The following BAZ2B variants were observed in gnomAD, a reference collection of about 807,000 sequenced individuals.
The protein encoded by BAZ2B is bromodomain adjacent to zinc finger domain protein 2B.
Under a neutral mutation model 246.0 loss-of-function variants are expected in BAZ2B, and 91 were observed. That is an observed-to-expected ratio of 0.37 (90% confidence interval 0.31 to 0.44). The LOEUF is 0.44. BAZ2B is among the 20% of genes least tolerant of loss of function. BAZ2B has a pLI of 1.00. For missense variants in BAZ2B, 2,332 were observed against 2,533.7 expected (o/e 0.92, Z 1.71); for synonymous variants, 855 against 860.0 (o/e 0.99, Z 0.10).
rs934271373 is a variant in BAZ2B at position 159,432,989 on chromosome 2, A to G, written c.1668T>C (p.Ser556=). The part of the protein sequence containing the change: ...GNQTPVMPSA[S]PILHSQGKEK... Reference sequence around the variant, plus strand: ...CCTTCCCTTGACTATGCAGGATGGGAGAGGCAGAGGGCATTACAGGTGTCT... The same window carrying G: ...CCTTCCCTTGACTATGCAGGATGGGGGAGGCAGAGGGCATTACAGGTGTCT... The change falls in exon 9 of 37, where the codon TCT becomes TCC. Residue 556 remains serine (S), a synonymous_variant. Coordinates refer to ENST00000392783, the MANE Select transcript of BAZ2B (RefSeq NM_013450.4). The G allele has an allele frequency of 2.5e-6, 4 of 1,614,168 alleles. No individual in the cohort carries two copies. The East Asian group carries it at 8.9e-5, about 36-fold the overall frequency.
intron 14 of BAZ2B, among the ~76,000 whole-genome samples, chr2:159,410,756 A>G (rs2066707093): frequency 6.6e-6 from 1 of 152,198 alleles, no homozygotes; most frequent in Admixed American, 6.5e-5. Flanking sequence ...TTTGCCTGCT[A>G]TCCATAAAAA....
intron 4 of BAZ2B, among the ~76,000 whole-genome samples, chr2:159,449,217 A>C (rs1291753705): frequency 6.6e-6 from 1 of 152,170 alleles, no homozygotes; most frequent in African/African-American, 2.4e-5. Context: ...AAATAAGCCA[A>C]ATTTTATACA....
At chr2:159,623,473 C>T in the BAZ2B span, among the ~76,000 whole-genome samples, 30 of 152,052 alleles carry the variant, frequency 2.0e-4, no homozygotes, top group Non-Finnish European at 4.4e-4. Flanking sequence ...TAACCTTGCT[C>T]ATAGTAAGAG....
intron 1 of BAZ2B, among the ~76,000 whole-genome samples, chr2:159,560,517 T>C (rs1183434546): frequency 6.6e-6 from 1 of 152,174 alleles, no homozygotes; most frequent in Non-Finnish European, 1.5e-5. Flanking sequence ...TCATTCTCTT[T>C]TTAAAGTGTC....
chr2:159,465,307 T>C (rs2076906634), intron 3 of BAZ2B, among the ~76,000 whole-genome samples: 2 of 152,344 alleles, frequency 1.3e-5, no homozygotes, highest in East Asian at 1.9e-4. Flanking sequence ...AGGCCCAACC[T>C]AATGATCTCA....
intron 14 of BAZ2B, among the ~76,000 whole-genome samples, chr2:159,411,540 T>A (rs971914088): frequency 2.0e-5 from 3 of 152,228 alleles, no homozygotes; most frequent in African/African-American, 7.2e-5. Flanking sequence ...TATTTTACAT[T>A]GTTACATATC....
chr2:159,665,131 A>G, the BAZ2B span, among the ~76,000 whole-genome samples: 4 of 120,228 alleles, frequency 3.3e-5, no homozygotes, highest in Admixed American at 3.7e-4. Flanking sequence ...ATACCTAGGA[A>G]TCCAACTTAC....
At chr2:159,694,108 T>C in the BAZ2B span, 1 of 152,106 alleles carries the variant, frequency 6.6e-6, no homozygotes, top group Non-Finnish European at 1.5e-5. Context: ...AAATGTCATA[T>C]ATGTGGGCCC....
At chr2:159,684,243 T>C in the BAZ2B span, among the ~76,000 whole-genome samples, 1 of 152,236 alleles carries the variant, frequency 6.6e-6, no homozygotes. Context: ...GTTTAGGGTT[T>C]TTGACAAGCA....
intron 3 of BAZ2B, among the ~76,000 whole-genome samples, chr2:159,454,714 AACAATGC>A (rs139683992): frequency 0.026 from 3,916 of 152,268 alleles, 143 homozygotes; most frequent in African/African-American, 0.088. Flanking sequence ...AGTCTAATAA[AACAATGC>A]ACAAGACAAC....
intron 27 of BAZ2B, among the ~76,000 whole-genome samples, chr2:159,366,297 C>A (rs137936615): frequency 6.6e-5 from 10 of 152,274 alleles, no homozygotes; most frequent in Non-Finnish European, 7.4e-5. Context: ...AGTGTGTTAA[C>A]CCCAGAAAAA....
chr2:159,589,361 T>C (rs1688766370), intron 1 of BAZ2B, among the ~76,000 whole-genome samples: 1 of 151,830 alleles, frequency 6.6e-6, no homozygotes, highest in Non-Finnish European at 1.5e-5. Context: ...TTTAAAAAGA[T>C]TCCTTCCAAA....
intron 11 of BAZ2B, among the ~76,000 whole-genome samples, chr2:159,428,671 G>A (rs1003000141): frequency 1.3e-5 from 2 of 151,864 alleles, no homozygotes; most frequent in Non-Finnish European, 1.5e-5. Flanking sequence ...TGATTACTTT[G>A]GGTACTCTGA....
intron 34 of BAZ2B, among the ~76,000 whole-genome samples, chr2:159,326,835 A>G (rs2063782357): frequency 6.6e-6 from 1 of 152,204 alleles, no homozygotes; most frequent in Admixed American, 6.5e-5. Flanking sequence ...GAGAAAAAAA[A>G]TCTGCCTTTT....
chr2:159,352,471 G>A (rs879831461), intron 27 of BAZ2B, among the ~76,000 whole-genome samples: 16 of 151,550 alleles, frequency 1.1e-4, no homozygotes, highest in Non-Finnish European at 2.2e-4. Context: ...TTTAAAGGCA[G>A]AGCAATGTCT....
intron 3 of BAZ2B, among the ~76,000 whole-genome samples, chr2:159,472,778 G>A (rs1365464687): frequency 6.6e-6 from 1 of 152,102 alleles, no homozygotes; most frequent in East Asian, 1.9e-4. Context: ...TTTATGTGAT[G>A]GATTACGTTT....
the BAZ2B span, among the ~76,000 whole-genome samples, chr2:159,644,778 T>C: frequency 6.6e-6 from 1 of 152,326 alleles, no homozygotes; most frequent in South Asian, 2.1e-4. Context: ...CCACTATTTC[T>C]TTATCAAGTG....
intron 2 of BAZ2B, among the ~76,000 whole-genome samples, chr2:159,487,961 T>C (rs2080022787): frequency 6.6e-6 from 1 of 151,878 alleles, no homozygotes; most frequent in Non-Finnish European, 1.5e-5. Flanking sequence ...GATCTAGACA[T>C]CCAAATACAA....
the BAZ2B span, among the ~76,000 whole-genome samples, chr2:159,676,544 G>C: frequency 1.9e-4 from 29 of 151,748 alleles, no homozygotes; most frequent in Non-Finnish European, 3.5e-4. Flanking sequence ...AGCTGAGCAC[G>C]TGATGGGTGC....
Sources: gnomAD v4.1 joint callset for allele counts (sites outside exome capture counted in the v4.1 genomes callset) on GRCh38, gnomAD v4.1.1 for gene constraint, MANE v1.5 for transcripts, NCBI Gene and HGNC (gene_info 2026-07-23, HGNC 2026-07-21) for gene names.